Variants in POT1 observed in about 807,000 individuals in gnomAD.
POT1 encodes protection of telomeres protein 1.
A neutral mutation model predicts 78.5 loss-of-function variants in POT1; 47 were observed. The ratio of observed to expected loss-of-function variants is 0.60; its 90% CI spans 0.47 to 0.76. The LOEUF is 0.76. POT1 is among the 30% of genes least tolerant of loss of function. The pLI is 0.00. For synonymous variants in POT1, 259 were observed against 260.7 expected, an observed-to-expected ratio of 0.99 and a Z score of 0.06; for missense variants, 646 against 749.9, an observed-to-expected ratio of 0.86 and a Z score of 1.62.
chr7:124,892,118 AC>A lies in POT1; in HGVS notation c.124+147del. ...AGATCACGTTTATTTTACAAATTAA[AC>A]TAGCCAAAGAATATGCATCAGTGTT... is the stretch of plus-strand genomic sequence containing the variant. On this transcript the variant is annotated intron_variant, in intron 6 of 18. Transcript: ENST00000357628. 1.2e-5 allele frequency: 6 copies of A among 503,900 alleles called. No homozygotes were observed. The South Asian group carries it at 2.4e-4, about 20-fold the overall frequency. 31.2% of individuals were successfully genotyped at this position (503,900 alleles called of 1,614,324 possible).
At position 124,871,030 on chromosome 7, in the gene POT1, C is replaced by G; in HGVS notation, c.136G>C (p.Val46Leu). The change falls in exon 7 of 19, where the codon GTT becomes CTT. Residue 46 changes from valine (V) to leucine (L), a missense_variant. Val to Leu is a conservative substitution (Grantham distance 32, BLOSUM62 1). Coordinates refer to ENST00000357628, the MANE Select transcript of POT1 (RefSeq NM_015450.3). ...TTTGTCTGGTCCACAATAGTTACAA[C>G]TGAGCAATAATCTGGAAAACACAAA... ...YLSKGTDYCS[V>L]VTIVDQTNVK... 1 of 1,589,364 alleles carries G rather than the reference C, an allele frequency of 6.3e-7. No individual in the cohort carries two copies. The highest frequency in any genetic ancestry group is 8.6e-7 in the Non-Finnish European group (1 of 1,168,284).
chr7:124,852,638 C>G (rs1039439530), intron 10 of POT1, among the ~76,000 whole-genome samples: 4 of 152,086 alleles, frequency 2.6e-5, no homozygotes, highest in Non-Finnish European at 5.9e-5. Flanking sequence ...TTTTTGGAAT[C>G]TTAGATATGT....
chr7:124,846,187 C>CT (rs1795162631), intron 12 of POT1, among the ~76,000 whole-genome samples: 1 of 54,344 alleles, frequency 1.8e-5, no homozygotes, highest in African/African-American at 6.8e-5. Flanking sequence ...ACACACACCC[C>CT]TATAATATAA....
chr7:124,885,544 A>G (rs2116611598), intron 6 of POT1, among the ~76,000 whole-genome samples: 1 of 152,172 alleles, frequency 6.6e-6, no homozygotes, highest in Non-Finnish European at 1.5e-5. Flanking sequence ...AGGCAGGTGG[A>G]TCATGAGGTC....
chr7:124,871,795 G>A (rs1037878098), intron 6 of POT1, among the ~76,000 whole-genome samples: 1 of 148,424 alleles, frequency 6.7e-6, no homozygotes, highest in Non-Finnish European at 1.5e-5. Flanking sequence ...TGCTATACAT[G>A]GTTCTGAAGT....
intron 3 of POT1, among the ~76,000 whole-genome samples, chr7:124,907,033 TTC>T (rs1349477109): frequency 6.6e-6 from 1 of 152,108 alleles, no homozygotes; most frequent in African/African-American, 2.4e-5. Flanking sequence ...CAAGAGTATA[TTC>T]TGACATACCA....
intron 3 of POT1, among the ~76,000 whole-genome samples, chr7:124,910,312 C>T (rs1796860184): frequency 6.6e-6 from 1 of 151,784 alleles, no homozygotes; most frequent in African/African-American, 2.4e-5. Context: ...CATAATACTA[C>T]CATGAGGTAA....
chr7:124,891,449 C>T (rs758130243), intron 6 of POT1, among the ~76,000 whole-genome samples: 12 of 151,086 alleles, frequency 7.9e-5, no homozygotes, highest in African/African-American at 2.9e-4. Flanking sequence ...AGTTGTATCT[C>T]GTTTTTTTTA....
intron 3 of POT1, among the ~76,000 whole-genome samples, chr7:124,902,621 T>C (rs553966468): frequency 3.3e-5 from 5 of 152,142 alleles, no homozygotes; most frequent in Non-Finnish European, 5.9e-5. Context: ...CATCAACTAA[T>C]GAGCAAAATA....
At chr7:124,914,421 T>C (rs1796967205) in intron 3 of POT1, among the ~76,000 whole-genome samples, 1 of 152,156 alleles carries the variant, frequency 6.6e-6, no homozygotes, top group African/African-American at 2.4e-5. Flanking sequence ...CAGCTCATTT[T>C]AGGTAGTATT....
At chr7:124,846,178 C>CACACACACACACACACAG (rs1431667368) in intron 12 of POT1, among the ~76,000 whole-genome samples, 3 of 151,896 alleles carry the variant, frequency 2.0e-5, no homozygotes, top group African/African-American at 7.3e-5. Context: ...CACACACACA[C>CACACACACACACACACAG]ACACACCCCT....
At chr7:124,897,889 G>T (rs147038143) in intron 4 of POT1, among the ~76,000 whole-genome samples, 1 of 151,850 alleles carries the variant, frequency 6.6e-6, no homozygotes, top group African/African-American at 2.4e-5. Context: ...TCTTCACAAC[G>T]AATAAAGTAG....
At chr7:124,903,067 A>T (rs946495991) in intron 3 of POT1, among the ~76,000 whole-genome samples, 14 of 152,178 alleles carry the variant, frequency 9.2e-5, no homozygotes, top group South Asian at 4.1e-4. Context: ...CTCCCACACA[A>T]TAATAATGGG....
intron 6 of POT1, among the ~76,000 whole-genome samples, chr7:124,873,998 G>A (rs1201946186): frequency 6.6e-6 from 1 of 152,124 alleles, no homozygotes; most frequent in Non-Finnish European, 1.5e-5. Flanking sequence ...TCAATTAGAA[G>A]TTTACACACA....
chr7:124,914,953 T>C (rs2116695967), intron 3 of POT1, among the ~76,000 whole-genome samples: 1 of 152,336 alleles, frequency 6.6e-6, no homozygotes, highest in South Asian at 2.1e-4. Context: ...TTATTTCTCA[T>C]AACTCCCCTA....
intron 6 of POT1, among the ~76,000 whole-genome samples, chr7:124,880,473 G>A (rs1224685812): frequency 6.6e-6 from 1 of 151,974 alleles, no homozygotes; most frequent in Non-Finnish European, 1.5e-5. Flanking sequence ...TTTAATGTTA[G>A]CCAAGATGAA....
chr7:124,832,008 A>AT (rs1554417206), intron 15 of POT1, among the ~76,000 whole-genome samples: 803 of 62,740 alleles, frequency 0.013, no homozygotes, highest in East Asian at 0.026. Context: ...ATAAAAAAAA[A>AT]AAAAAAAAAA....
chr7:124,923,969 GAT>G (rs1797213002), intron 2 of POT1, among the ~76,000 whole-genome samples: 1 of 151,320 alleles, frequency 6.6e-6, no homozygotes, highest in East Asian at 1.9e-4. Context: ...AAATAAAAGA[GAT>G]ATAAAAAATT....
intron 6 of POT1, among the ~76,000 whole-genome samples, chr7:124,890,656 CGAT>C (rs1403061109): frequency 2.0e-5 from 3 of 151,778 alleles, no homozygotes; most frequent in South Asian, 2.1e-4. Context: ...ACCAGCAAAA[CGAT>C]GATAACTCGC....
Sources: allele counts gnomAD v4.1 joint callset (sites outside exome capture counted in the v4.1 genomes callset), GRCh38; gene constraint gnomAD v4.1.1; transcripts MANE v1.5; gene names NCBI Gene and HGNC (gene_info 2026-07-23, HGNC 2026-07-21).